The following FRMD3 variants were observed in gnomAD, a reference collection of about 807,000 sequenced individuals.
FRMD3 encodes FERM domain-containing protein 3.
A neutral mutation model predicts 70.2 loss-of-function variants in FRMD3; 33 were observed. The ratio of observed to expected loss-of-function variants is 0.47; its 90% CI spans 0.36 to 0.63. The LOEUF is 0.63. Among genes scored for constraint, FRMD3 ranks in the 20% least tolerant of loss-of-function variants. The pLI is 0.00. For synonymous variants in FRMD3, 279 were observed against 255.9 expected (o/e 1.09, Z -0.86); for missense variants, 632 against 711.4 (o/e 0.89, Z 1.27).
chr9:83,437,698 A>G (rs1029814089), intron 1 of FRMD3, among the ~76,000 whole-genome samples: 1 of 152,198 alleles, frequency 6.6e-6, no homozygotes, highest in East Asian at 1.9e-4. Flanking sequence ...GCTGAGATTG[A>G]GCCTATAAAC....
intron 1 of FRMD3, among the ~76,000 whole-genome samples, chr9:83,416,261 G>A (rs1225148225): frequency 1.3e-5 from 2 of 152,198 alleles, no homozygotes; most frequent in Admixed American, 6.5e-5. Context: ...TTTCTTAAAA[G>A]GTTTTAAAAG....
Position 83,248,238 on chromosome 9 carries a change from C to T in FRMD3, c.1474G>A (p.Ala492Thr), listed in dbSNP as rs765203567. The change falls in exon 14 of 14, where the codon GCC (alanine) becomes ACC (threonine). Residue 492 changes from alanine (A) to threonine (T), a missense_variant. By Grantham distance (58) the Ala-to-Thr change is moderately conservative. Coordinates refer to ENST00000304195, the MANE Select transcript of FRMD3 (RefSeq NM_174938.6). The stretch of plus-strand genomic sequence containing the variant: ...TCCTCTTCTTCAGCAATCAAAAAGG[C>T]GTTTTCATCTGCTTCCAGATCCTCA... ...SFEDLEADEN[A>T]FLIAEEEELK... 4.6e-5 allele frequency: 75 copies of T among 1,614,042 alleles called. No individual in the cohort carries two copies. The highest frequency in any genetic ancestry group is 9.9e-5 in the South Asian group (9 of 91,092).
chr9:83,565,068 T>C, the FRMD3 span, among the ~76,000 whole-genome samples: 3 of 152,328 alleles, frequency 2.0e-5, no homozygotes, highest in East Asian at 3.9e-4. Context: ...ATGAAAACAC[T>C]GTGGGGACTC....
At chr9:83,354,399 G>A (rs1332863583) in intron 3 of FRMD3, among the ~76,000 whole-genome samples, 1 of 152,154 alleles carries the variant, frequency 6.6e-6, no homozygotes, top group African/African-American at 2.4e-5. Flanking sequence ...ATTAACACAG[G>A]AGCAGAAAAA....
At chr9:83,580,050 T>C in the FRMD3 span, among the ~76,000 whole-genome samples, 1 of 152,052 alleles carries the variant, frequency 6.6e-6, no homozygotes, top group African/African-American at 2.4e-5. Context: ...TCACTAATTA[T>C]CAGGGAAATA....
At chr9:83,335,145 C>T (rs544347606) in intron 6 of FRMD3, among the ~76,000 whole-genome samples, 1 of 152,326 alleles carries the variant, frequency 6.6e-6, no homozygotes, top group African/African-American at 2.4e-5. Context: ...GGAGTCAATG[C>T]TTCCAGCTAT....
chr9:83,376,021 G>A lies in FRMD3; in HGVS notation c.253-3066C>T, dbSNP rs553860089. On this transcript the variant is annotated intron_variant, in intron 2 of 13. Transcript: ENST00000304195. ...CTAAAAATACAAAAATTAGCCTGGC[G>A]TGGTGGCAGGTGCCTGTAATCCCAG... Among the ~76,000 whole-genome samples the A allele has an allele frequency of 5.2e-4, 79 of 152,002 alleles. 1 individual carries two copies. The highest frequency in any genetic ancestry group is 1.6e-3 in the African/African-American group (65 of 41,446).
the FRMD3 span, among the ~76,000 whole-genome samples, chr9:83,577,428 A>G: frequency 6.6e-6 from 1 of 152,072 alleles, no homozygotes; most frequent in Non-Finnish European, 1.5e-5. Context: ...ACTGATTTCA[A>G]CAGAACGTCA....
At chr9:83,281,390 T>G (rs1587671831) in intron 13 of FRMD3, among the ~76,000 whole-genome samples, 1 of 152,320 alleles carries the variant, frequency 6.6e-6, no homozygotes, top group South Asian at 2.1e-4. Context: ...ACACTCTGGC[T>G]GTCACAGCTG....
rs182163769 is a variant in FRMD3, at chr9:83,415,712, G to A, written c.148-26004C>T. On this transcript the variant is annotated intron_variant, in intron 1 of 13. Coordinates refer to ENST00000304195, the MANE Select transcript of FRMD3 (RefSeq NM_174938.6). ...CCTGACCTTGTGATCCACCTGCCTC[G>A]GCCTCCCAAATTGCTGGGATTACAG... Among the ~76,000 whole-genome samples, 603 of 146,094 alleles carry A rather than the reference G, an allele frequency of 4.1e-3. 4 individuals carry two copies. Among genetic ancestry groups the A allele is most frequent in the African/African-American group, 0.014 (564 of 39,212 alleles).
chr9:83,302,722 A>G (rs1834973306), intron 10 of FRMD3, among the ~76,000 whole-genome samples: 1 of 152,100 alleles, frequency 6.6e-6, no homozygotes, highest in African/African-American at 2.4e-5. Flanking sequence ...AACACTCTGA[A>G]AGCAAATAAA....
At chr9:83,519,360 A>C (rs773954853) in intron 1 of FRMD3, among the ~76,000 whole-genome samples, 28 of 152,246 alleles carry the variant, frequency 1.8e-4, no homozygotes, top group Non-Finnish European at 3.8e-4. Flanking sequence ...TCAAAAGAAG[A>C]CATTTATGCG....
intron 1 of FRMD3, among the ~76,000 whole-genome samples, chr9:83,457,861 C>G (rs1429793492): frequency 1.3e-5 from 2 of 151,962 alleles, no homozygotes; most frequent in Non-Finnish European, 1.5e-5. Flanking sequence ...AATCACTTCA[C>G]CATGTATACA....
chr9:83,553,406 T>C, the FRMD3 span, among the ~76,000 whole-genome samples: 402 of 152,298 alleles, frequency 2.6e-3, no homozygotes, highest in African/African-American at 8.9e-3. Flanking sequence ...CCTTTAACAT[T>C]CTTTCTTTCA....
intron 1 of FRMD3, among the ~76,000 whole-genome samples, chr9:83,489,153 A>G (rs956772792): frequency 2.0e-5 from 3 of 152,194 alleles, no homozygotes; most frequent in African/African-American, 7.2e-5. Context: ...AAATCCTAGA[A>G]GAAAATCTAG....
intron 1 of FRMD3, among the ~76,000 whole-genome samples, chr9:83,516,482 G>C (rs537900523): frequency 1.3e-5 from 2 of 152,266 alleles, no homozygotes; most frequent in East Asian, 3.9e-4. Flanking sequence ...CAAGTTCTTA[G>C]AGAACTACAA....
the FRMD3 span, among the ~76,000 whole-genome samples, chr9:83,563,378 G>A: frequency 6.6e-6 from 1 of 152,198 alleles, no homozygotes; most frequent in African/African-American, 2.4e-5. Flanking sequence ...TGAGTAAAGG[G>A]TTGGTGGCAA....
chr9:83,498,510 T>C lies in FRMD3; in HGVS notation c.147+39575A>G, dbSNP rs189998311. Among the ~76,000 whole-genome samples the C allele has an allele frequency of 1.5e-3, 232 of 152,294 alleles. 2 individuals are homozygous for C. The highest frequency in any genetic ancestry group is 5.4e-3 in the African/African-American group (223 of 41,560). ...AAGTAGTTCATGTGCTCCCCTACACTTCTCAGCCACTGGCTACCTGGGGCT... is the reference window on the plus strand; with the variant it reads ...AAGTAGTTCATGTGCTCCCCTACACCTCTCAGCCACTGGCTACCTGGGGCT... On this transcript the variant is annotated intron_variant, in intron 1 of 13. Transcript: ENST00000304195.
At chr9:83,408,532 G>T (rs1446282102) in intron 1 of FRMD3, among the ~76,000 whole-genome samples, 1 of 152,208 alleles carries the variant, frequency 6.6e-6, no homozygotes, top group South Asian at 2.1e-4. Context: ...CCCCAGGTGG[G>T]GGAAAGTTCA....
Sources: gnomAD v4.1 joint callset for allele counts (sites outside exome capture counted in the v4.1 genomes callset) on GRCh38, gnomAD v4.1.1 for gene constraint, MANE v1.5 for transcripts, NCBI Gene and HGNC (gene_info 2026-07-23, HGNC 2026-07-21) for gene names.